The following ZZEF1 variants were observed in gnomAD, a reference collection of about 807,000 sequenced individuals.
ZZEF1 encodes zinc finger ZZ-type and EF-hand domain-containing protein 1.
Under a neutral mutation model 342.8 loss-of-function variants are expected in ZZEF1, and 157 were observed. The ratio of observed to expected loss-of-function variants is 0.46; its 90% CI spans 0.40 to 0.52. The LOEUF (loss-of-function observed/expected upper bound fraction) is 0.52. Ranked by LOEUF, ZZEF1 falls within the 20% of genes least tolerant of loss-of-function variation. ZZEF1 has a pLI of 0.00. For synonymous variants in ZZEF1, 1,505 were observed against 1,429.1 expected (o/e 1.05, Z -1.20); for missense variants, 3,480 against 3,725.6 (o/e 0.93, Z 1.72).
chr17:4,036,204 C>A (rs564497976), intron 39 of ZZEF1, among the ~76,000 whole-genome samples: 5 of 152,192 alleles, frequency 3.3e-5, no homozygotes, highest in African/African-American at 1.2e-4. Flanking sequence ...GGATTCTCAC[C>A]GTTAAAGACT....
At chr17:4,013,043 C>A (rs558226544) in intron 52 of ZZEF1, among the ~76,000 whole-genome samples, 1 of 149,810 alleles carries the variant, frequency 6.7e-6, no homozygotes, top group Non-Finnish European at 1.5e-5. Context: ...GATCTACAGT[C>A]GCACCACAGC....
At chr17:4,062,111 C>T (rs1031655533) in intron 30 of ZZEF1, among the ~76,000 whole-genome samples, 1 of 151,996 alleles carries the variant, frequency 6.6e-6, no homozygotes, top group Non-Finnish European at 1.5e-5. Flanking sequence ...GGACTAACTC[C>T]CCCCCTGGAG....
chr17:4,079,899 A>G (rs1434901512), intron 18 of ZZEF1, among the ~76,000 whole-genome samples: 1 of 152,262 alleles, frequency 6.6e-6, no homozygotes, highest in Non-Finnish European at 1.5e-5. Flanking sequence ...ATAAGTTATC[A>G]GCCACAAAAG....
At chr17:4,104,249 T>C (rs7221574) in intron 8 of ZZEF1, among the ~76,000 whole-genome samples, 25,375 of 152,118 alleles carry the variant, frequency 0.17, 2,172 homozygotes, top group East Asian at 0.18. Context: ...TCTTGGCTAG[T>C]TTCCTCCCTC....
chr17:4,051,213 T>C (rs1362663003), intron 35 of ZZEF1, among the ~76,000 whole-genome samples, 170 bp from the exon 36 acceptor site: 1 of 151,950 alleles, frequency 6.6e-6, no homozygotes, highest in Non-Finnish European at 1.5e-5. Flanking sequence ...TCCAGAAAAA[T>C]GAAGAAACAC....
chr17:4,058,152 G>A lies in ZZEF1; in HGVS notation c.5007C>T (p.Ser1669=), dbSNP rs1056118485. ...GAACACAGGATAAGGCAGGGAGCAA[G>A]GACCTAAAGGGCCATGAAAGTGACC... ...VKGFSSLNDR[S]LLPALSCVQT... The change falls in exon 32 of 55, where the codon TCC becomes TCT. Residue 1669 remains serine (S), a synonymous_variant. Coordinates refer to ENST00000381638, the MANE Select transcript of ZZEF1 (RefSeq NM_015113.4). 1.9e-6 allele frequency: 3 copies of A among 1,611,736 alleles called. No individual in the cohort carries two copies. Among genetic ancestry groups the A allele is most frequent in the African/African-American group, 1.3e-5 (1 of 74,806 alleles).
At chr17:4,038,607 C>A (rs986915535) in intron 39 of ZZEF1, among the ~76,000 whole-genome samples, 1 of 152,096 alleles carries the variant, frequency 6.6e-6, no homozygotes, top group Non-Finnish European at 1.5e-5. Flanking sequence ...GAGTTCAAGA[C>A]CAGCCTGGCC....
chr17:4,042,492 A>G lies in ZZEF1; in HGVS notation c.6243T>C (p.Phe2081=). 1 of 1,614,136 alleles carries G rather than the reference A, an allele frequency of 6.2e-7. No individual in the cohort carries two copies. The highest frequency in any genetic ancestry group is 8.5e-7 in the Non-Finnish European group (1 of 1,180,018). ...KAVTPSPEQV[F]AECSQKRILG... ...AAATCCTCTTCTGGGAACACTCAGC[A>G]AACACTTGCTCAGGGCTTGGAGTAA... Residue 2081 remains phenylalanine, a synonymous_variant, in exon 39 of 55, where the codon TTT becomes TTC. Transcript: ENST00000381638.
At chr17:4,065,048 C>T (rs891136037) in intron 28 of ZZEF1, among the ~76,000 whole-genome samples, 1 of 152,040 alleles carries the variant, frequency 6.6e-6, no homozygotes, top group Non-Finnish European at 1.5e-5. Flanking sequence ...AAATTTATTG[C>T]CTACTTCTGT....
At chr17:4,059,970 C>T (rs992673382) in intron 30 of ZZEF1, among the ~76,000 whole-genome samples, 2 of 152,234 alleles carry the variant, frequency 1.3e-5, no homozygotes, top group East Asian at 1.9e-4. Flanking sequence ...CAGCCCAGGA[C>T]GCTGCCTCAT....
chr17:4,123,975 C>G lies in ZZEF1; in HGVS notation c.431G>C (p.Ser144Thr). 6.2e-7 allele frequency: 1 copy of G among 1,614,022 alleles called. No homozygotes were observed. Among genetic ancestry groups the G allele is most frequent in the Non-Finnish European group, 8.5e-7 (1 of 1,180,012 alleles). Reference sequence around the variant, plus strand: ...CAGCTCCCCCTGAAGATTAGCTCCACTGGAATTCTTGAGGGCCTCCAACAT... The same window carrying G: ...CAGCTCCCCCTGAAGATTAGCTCCAGTGGAATTCTTGAGGGCCTCCAACAT... ...ENMLEALKNS[S>T]GANLQGELSH... Residue 144 changes from serine (S) to threonine (T), a missense_variant, in exon 2 of 55, where the codon AGT becomes ACT. By Grantham distance (58) the Ser-to-Thr change is moderately conservative. Transcript: ENST00000381638.
At chr17:4,048,873 A>ATT (rs71144157) in intron 37 of ZZEF1, among the ~76,000 whole-genome samples, 8,327 of 133,678 alleles carry the variant, frequency 0.062, 892 homozygotes, top group African/African-American at 0.21. Flanking sequence ...AGCCTGGATA[A>ATT]TTTTTTTTTT....
rs572197689 is a variant in ZZEF1, at chr17:4,121,213, T to A, written c.499+2694A>T. Among the ~76,000 whole-genome samples the A allele has an allele frequency of 2.0e-5, 3 of 152,314 alleles. No homozygotes were observed. In the South Asian group the frequency reaches 6.2e-4, roughly 32 times the overall value. On this transcript the variant is annotated intron_variant, in intron 2 of 54. Coordinates refer to ENST00000381638, the MANE Select transcript of ZZEF1 (RefSeq NM_015113.4). ...CTGTTGGTGGATTCCCTGGTCTCAA[T>A]CCCTCTGCTTTCCTCCCCAAAACTG...
intron 9 of ZZEF1, among the ~76,000 whole-genome samples, chr17:4,098,540 T>C (rs1033607518): frequency 6.6e-6 from 1 of 152,254 alleles, no homozygotes; most frequent in African/African-American, 2.4e-5. Context: ...TAACAACTCA[T>C]GAAAAAGTCT....
intron 33 of ZZEF1, 69 bp from the exon 34 acceptor site, chr17:4,054,264 C>T (rs1372373303): frequency 4.6e-6 from 7 of 1,511,358 alleles, no homozygotes; most frequent in Non-Finnish European, 5.4e-6. Context: ...TAATCAATTC[C>T]TCCATTCACT....
chr17:4,078,669 G>C (rs1473418280), intron 18 of ZZEF1, among the ~76,000 whole-genome samples: 3 of 152,230 alleles, frequency 2.0e-5, no homozygotes, highest in East Asian at 3.8e-4. Context: ...TGGACTCAAA[G>C]ATACTGGGAA....
intron 1 of ZZEF1, among the ~76,000 whole-genome samples, chr17:4,140,035 C>T (rs1327739672): frequency 6.6e-6 from 1 of 152,170 alleles, no homozygotes; most frequent in Non-Finnish European, 1.5e-5. Context: ...AAAATGACAG[C>T]AGGAGTCAAC....
At chr17:4,057,354 G>A (rs901017794) in intron 32 of ZZEF1, among the ~76,000 whole-genome samples, 1 of 152,224 alleles carries the variant, frequency 6.6e-6, no homozygotes, top group South Asian at 2.1e-4. Flanking sequence ...TCCTGAGAGA[G>A]TGGAGACTGT....
intron 35 of ZZEF1, among the ~76,000 whole-genome samples, chr17:4,051,747 G>GAA (rs35370638): frequency 1.9e-4 from 25 of 129,122 alleles, no homozygotes; most frequent in African/African-American, 4.5e-4. Context: ...TTTAACACAG[G>GAA]AAAAAAAAAA....
Sources: allele counts gnomAD v4.1 joint callset (sites outside exome capture counted in the v4.1 genomes callset), GRCh38; gene constraint gnomAD v4.1.1; transcripts MANE v1.5; gene names NCBI Gene and HGNC (gene_info 2026-07-23, HGNC 2026-07-21).